Variants in MAP3K20 observed in about 807,000 individuals in gnomAD.
The protein encoded by MAP3K20 is mitogen-activated protein kinase kinase kinase 20, also known as HCCS-4.
Under a neutral mutation model 85.7 loss-of-function variants are expected in MAP3K20, and 40 were observed. That is an observed-to-expected ratio of 0.47 (90% confidence interval 0.36 to 0.61). The LOEUF is 0.61. MAP3K20 is among the 20% of genes least tolerant of loss of function. The pLI, the probability that MAP3K20 is intolerant of heterozygous loss-of-function variation, is 0.00. For missense variants in MAP3K20, 817 were observed against 961.7 expected (o/e 0.85, Z 1.99); for synonymous variants, 325 against 327.7 (o/e 0.99, Z 0.09).
At chr2:173,145,748 C>A (rs1262085126) in intron 2 of MAP3K20, among the ~76,000 whole-genome samples, 2 of 152,068 alleles carry the variant, frequency 1.3e-5, no homozygotes, top group Non-Finnish European at 2.9e-5. Flanking sequence ...GTCATCAATT[C>A]AACTTATAGG....
intron 2 of MAP3K20, among the ~76,000 whole-genome samples, chr2:173,103,457 G>A (rs1687693231): frequency 6.6e-6 from 1 of 152,182 alleles, no homozygotes; most frequent in Admixed American, 6.5e-5. Context: ...TTGGGAGTAT[G>A]AAGTGTTAAA....
At chr2:173,223,386 A>G (rs1188320801) in intron 11 of MAP3K20, 8 of 919,872 alleles carry the variant, frequency 8.7e-6, no homozygotes, top group Non-Finnish European at 1.0e-5. Flanking sequence ...ATTAAAAGAA[A>G]TAATATATGT....
intron 2 of MAP3K20, among the ~76,000 whole-genome samples, chr2:173,141,061 T>C (rs1468919111): frequency 1.3e-5 from 2 of 152,196 alleles, no homozygotes; most frequent in East Asian, 1.9e-4. Flanking sequence ...AATGTGTAAG[T>C]TGTAAATCAC....
chr2:173,221,441 G>A, intron 11 of MAP3K20: 2 of 1,613,916 alleles, frequency 1.2e-6, no homozygotes, highest in African/African-American at 1.3e-5. Context: ...CATGGCTCTG[G>A]GGTTCAGTGA....
At chr2:173,137,051 G>T (rs995506883) in intron 2 of MAP3K20, among the ~76,000 whole-genome samples, 1 of 152,156 alleles carries the variant, frequency 6.6e-6, no homozygotes, top group African/African-American at 2.4e-5. Flanking sequence ...TGGAAGATTG[G>T]TCTTCTCAAT....
At chr2:173,233,125 G>A (rs1684561657) in intron 14 of MAP3K20, among the ~76,000 whole-genome samples, 1 of 152,190 alleles carries the variant, frequency 6.6e-6, no homozygotes, top group Non-Finnish European at 1.5e-5. Context: ...CAAAGGCAGT[G>A]TGGTGCCTGG....
chr2:173,080,311 C>T (rs769528593), intron 1 of MAP3K20, among the ~76,000 whole-genome samples: 1 of 152,226 alleles, frequency 6.6e-6, no homozygotes, highest in Non-Finnish European at 1.5e-5. Context: ...TACTACATCT[C>T]TCAAGTTATA....
chr2:173,094,438 A>G (rs1687399314), intron 2 of MAP3K20, among the ~76,000 whole-genome samples: 1 of 152,216 alleles, frequency 6.6e-6, no homozygotes, highest in African/African-American at 2.4e-5. Flanking sequence ...TACTTGTTAT[A>G]CAGTCTATAT....
At chr2:173,259,279 A>G (rs982854116) in intron 17 of MAP3K20, among the ~76,000 whole-genome samples, 1 of 152,170 alleles carries the variant, frequency 6.6e-6, no homozygotes, top group Admixed American at 6.5e-5. Flanking sequence ...GTTCACACCT[A>G]TGAATTCCTG....
intron 2 of MAP3K20, among the ~76,000 whole-genome samples, chr2:173,120,386 T>C (rs1233989669): frequency 6.6e-6 from 1 of 151,982 alleles, no homozygotes; most frequent in Non-Finnish European, 1.5e-5. Flanking sequence ...ATGAACCCCC[T>C]GGGTTTCAGA....
At position 173,107,528 on chromosome 2, in the gene MAP3K20, C is replaced by T. The variant is rs114868968; in HGVS notation, c.159+16338C>T. ...GCCTAGTCCTGGAGTATTCAGGACT[C>T]GCCTATTTACATGTTTTAAAATAAA... is the stretch of plus-strand genomic sequence containing the variant. On this transcript the variant is annotated intron_variant, in intron 2 of 19. Coordinates refer to ENST00000375213, the MANE Select transcript of MAP3K20 (RefSeq NM_016653.3). 1.5e-3 allele frequency among the ~76,000 whole-genome samples: 225 copies of T among 152,188 alleles called. 1 individual carries two copies. The highest frequency in any genetic ancestry group is 2.9e-3 in the Non-Finnish European group (196 of 68,006).
chr2:173,115,113 TTTTC>T (rs1416451880), intron 2 of MAP3K20, among the ~76,000 whole-genome samples: 1 of 152,194 alleles, frequency 6.6e-6, no homozygotes. Flanking sequence ...TCTTATTCTT[TTTTC>T]TTTGTCTTTG....
intron 7 of MAP3K20, among the ~76,000 whole-genome samples, chr2:173,194,769 T>A (rs979617072): frequency 2.0e-5 from 3 of 151,740 alleles, no homozygotes; most frequent in Admixed American, 2.0e-4. Context: ...AAAAAGGTTT[T>A]TTTTTTAAAA....
intron 16 of MAP3K20, among the ~76,000 whole-genome samples, chr2:173,256,702 A>G (rs1437018102): frequency 2.0e-5 from 3 of 152,184 alleles, no homozygotes; most frequent in African/African-American, 7.2e-5. Flanking sequence ...GCCCCCATTC[A>G]ACCACTAACA....
At chr2:173,166,558 T>C (rs1307951816) in intron 2 of MAP3K20, 3 of 152,206 alleles carry the variant, frequency 2.0e-5, no homozygotes, top group Non-Finnish European at 4.4e-5. Flanking sequence ...AATTAACTCC[T>C]TATAACTCTC....
chr2:173,077,963 T>A (rs1686912247), intron 1 of MAP3K20, among the ~76,000 whole-genome samples: 1 of 152,220 alleles, frequency 6.6e-6, no homozygotes, highest in African/African-American at 2.4e-5. Flanking sequence ...TCAGAGCCTA[T>A]CTGGAATGAG....
chr2:173,211,605 T>G (rs984538599), intron 10 of MAP3K20: 2 of 152,234 alleles, frequency 1.3e-5, no homozygotes, highest in Non-Finnish European at 2.9e-5. Context: ...TTCATAGGCT[T>G]TGCTGCTATT....
chr2:173,150,607 C>T (rs566082651), intron 2 of MAP3K20, among the ~76,000 whole-genome samples: 6 of 152,288 alleles, frequency 3.9e-5, no homozygotes, highest in South Asian at 2.1e-4. Context: ...TGTCCTGTCA[C>T]CCAGGCTGGA....
chr2:173,133,124 G>GA (rs1249716517), intron 2 of MAP3K20, among the ~76,000 whole-genome samples: 18 of 152,288 alleles, frequency 1.2e-4, no homozygotes, highest in Admixed American at 6.5e-4. Flanking sequence ...AAAATGGGAA[G>GA]TATGGTGAAG....
Sources: gnomAD v4.1 joint callset for allele counts (sites outside exome capture counted in the v4.1 genomes callset) on GRCh38, gnomAD v4.1.1 for gene constraint, MANE v1.5 for transcripts, NCBI Gene and HGNC (gene_info 2026-07-23, HGNC 2026-07-21) for gene names.